The following ADHFE1 variants were observed in gnomAD, a reference collection of about 807,000 sequenced individuals.
The protein encoded by ADHFE1 is alcohol dehydrogenase iron containing 1.
A neutral mutation model predicts 54.8 loss-of-function variants in ADHFE1; 37 were observed. The observed-to-expected ratio is 0.68, with a 90% CI of 0.52 to 0.89. ADHFE1 has a LOEUF of 0.89. Ranked by LOEUF, ADHFE1 falls within the 40% of genes least tolerant of loss-of-function variation. The pLI is 0.00. For missense variants in ADHFE1, 601 were observed against 591.2 expected, an observed-to-expected ratio of 1.02 and a Z score of -0.17; for synonymous variants, 203 against 229.3, an observed-to-expected ratio of 0.89 and a Z score of 1.04.
Position 66,457,101 on chromosome 8 carries a change from C to T in ADHFE1, c.1097C>T (p.Pro366Leu), listed in dbSNP as rs778046150. ...GGCCTTTCTGTGGTGCTCACGTCCCCAGCGGTGTTCACTTTCACGGCCCAG... is the reference window on the plus strand; with the variant it reads ...GGCCTTTCTGTGGTGCTCACGTCCCTAGCGGTGTTCACTTTCACGGCCCAG... Reference protein sequence around the residue: ...PHGLSVVLTSPAVFTFTAQMF... With the variant: ...PHGLSVVLTSLAVFTFTAQMF... Residue 366 changes from proline (P) to leucine (L), a missense_variant, in exon 12 of 14, where the codon CCA (proline) becomes CTA (leucine). Transcript: ENST00000396623. 2.2e-5 allele frequency: 35 copies of T among 1,613,974 alleles called. No individual in the cohort carries two copies. The highest frequency in any genetic ancestry group is 1.7e-4 in the Middle Eastern group (1 of 6,060).
intron 1 of ADHFE1, 160 bp downstream of exon 1, chr8:66,432,735 G>T (rs1393594373): frequency 3.1e-5 from 38 of 1,232,526 alleles, no homozygotes; most frequent in Non-Finnish European, 3.6e-5. Flanking sequence ...AGGCGGAACA[G>T]CGAGGTCACA....
chr8:66,451,549 C>T (rs1413005892), intron 8 of ADHFE1, among the ~76,000 whole-genome samples: 1 of 152,032 alleles, frequency 6.6e-6, no homozygotes. Context: ...TAGCTATGAC[C>T]CACTTTTGGT....
intron 1 of ADHFE1, among the ~76,000 whole-genome samples, chr8:66,438,665 GGA>G (rs1392469517): frequency 6.6e-6 from 1 of 152,058 alleles, no homozygotes; most frequent in Admixed American, 6.5e-5. Flanking sequence ...GGAGAGAGAG[GGA>G]GAGTGAGCCC....
chr8:66,463,753 C>T (rs911394756), intron 13 of ADHFE1, among the ~76,000 whole-genome samples: 16 of 152,144 alleles, frequency 1.1e-4, no homozygotes, highest in Non-Finnish European at 1.3e-4. Context: ...CTCCAAAGAA[C>T]GTCACCAGAA....
intron 6 of ADHFE1, 83 bp downstream of exon 6, chr8:66,445,497 A>G (rs1586453288): frequency 1.5e-6 from 2 of 1,338,236 alleles, no homozygotes; most frequent in Non-Finnish European, 2.0e-6. Context: ...TCCTTTTAAC[A>G]TACACATTTC....
At chr8:66,449,102 C>G (rs1444645645) in intron 8 of ADHFE1, 132 bp downstream of exon 8, 9 of 771,714 alleles carry the variant, frequency 1.2e-5, no homozygotes, top group African/African-American at 1.8e-5. Context: ...TGTCATTACC[C>G]CCTGTCCTAA....
At chr8:66,440,676 A>G (rs1805702309) in intron 2 of ADHFE1, among the ~76,000 whole-genome samples, 1 of 152,224 alleles carries the variant, frequency 6.6e-6, no homozygotes, top group Non-Finnish European at 1.5e-5. Flanking sequence ...ATACTTAAAA[A>G]TAATAACAAA....
chr8:66,432,947 G>C, intron 1 of ADHFE1: 1 of 1,010,224 alleles, frequency 9.9e-7, no homozygotes, highest in Non-Finnish European at 1.2e-6. Flanking sequence ...AACTATTCTA[G>C]GTTCTGGGGA....
At chr8:66,460,176 C>T (rs1049213531) in intron 12 of ADHFE1, 132 bp from the exon 13 acceptor site, 1 of 1,188,306 alleles carries the variant, frequency 8.4e-7, no homozygotes, top group South Asian at 1.5e-5. Context: ...TGGGGAGGCA[C>T]ACGATGGCCC....
chr8:66,446,455 C>G (rs1012458897), intron 6 of ADHFE1, among the ~76,000 whole-genome samples: 1 of 152,206 alleles, frequency 6.6e-6, no homozygotes, highest in Non-Finnish European at 1.5e-5. Context: ...AGCTCTGGCC[C>G]CCAAGGAGCC....
chr8:66,458,662 G>C (rs1806724176), intron 12 of ADHFE1, among the ~76,000 whole-genome samples: 1 of 152,068 alleles, frequency 6.6e-6, no homozygotes, highest in South Asian at 2.1e-4. Flanking sequence ...CAAATTCCAG[G>C]CTGGAAGAAC....
chr8:66,440,173 C>T lies in ADHFE1; in HGVS notation c.71C>T (p.Pro24Leu). The stretch of plus-strand genomic sequence containing the variant: ...TTTATTTTCCCTAGGTGCCAGTGCC[C>T]AACTCATTCTCATACTTACTCCCAA... ...RQLQRAACQC[P>L]THSHTYSQAP... The change falls in exon 2 of 14, where the codon CCA becomes CTA. Residue 24 changes from proline to leucine, a missense_variant. By Grantham distance (98) the Pro-to-Leu change is moderately conservative. Transcript: ENST00000396623. 1 of 1,612,322 alleles carries T rather than the reference C, an allele frequency of 6.2e-7. No homozygotes were observed. The highest frequency in any genetic ancestry group is 8.5e-7 in the Non-Finnish European group (1 of 1,179,628).
chr8:66,442,885 G>C, intron 3 of ADHFE1, 41 bp downstream of exon 3: 1 of 1,446,424 alleles, frequency 6.9e-7, no homozygotes, highest in East Asian at 2.4e-5. Flanking sequence ...TGAATGACTA[G>C]AAAAAAATAA....
intron 9 of ADHFE1, chr8:66,453,823 A>G: frequency 6.8e-7 from 1 of 1,475,076 alleles, no homozygotes. Flanking sequence ...CTTTTACATC[A>G]CATGAGCAGC....
intron 2 of ADHFE1, 90 bp from the exon 3 acceptor site, chr8:66,442,708 A>G (rs1453361783): frequency 3.5e-6 from 4 of 1,146,878 alleles, no homozygotes; most frequent in Non-Finnish European, 5.1e-6. Flanking sequence ...TTCAAAGGAA[A>G]TACTTATGTT....
intron 7 of ADHFE1, 60 bp from the exon 8 acceptor site, chr8:66,448,804 AT>A: frequency 1.4e-6 from 2 of 1,430,786 alleles, no homozygotes; most frequent in African/African-American, 1.4e-5. Context: ...TCCTGAAGTC[AT>A]TTTTCTTCTT....
chr8:66,435,888 T>A (rs1805436534), intron 1 of ADHFE1, among the ~76,000 whole-genome samples: 1 of 150,286 alleles, frequency 6.7e-6, no homozygotes, highest in Non-Finnish European at 1.5e-5. Context: ...GGATTATAGG[T>A]ATGCGCCACA....
chr8:66,442,420 C>T (rs940169586), intron 2 of ADHFE1, among the ~76,000 whole-genome samples: 26 of 151,292 alleles, frequency 1.7e-4, no homozygotes, highest in African/African-American at 6.1e-4. Flanking sequence ...ACACCATTCT[C>T]CTGCCTCAGC....
intron 2 of ADHFE1, 32 bp downstream of exon 2, chr8:66,440,231 A>G (rs371843880): frequency 2.2e-5 from 36 of 1,603,678 alleles, no homozygotes; most frequent in Non-Finnish European, 3.0e-5. Context: ...ACTAGCCACA[A>G]TTTTGGTTTC....
Sources: allele counts gnomAD v4.1 joint callset (sites outside exome capture counted in the v4.1 genomes callset), GRCh38; gene constraint gnomAD v4.1.1; transcripts MANE v1.5; gene names NCBI Gene and HGNC (gene_info 2026-07-23, HGNC 2026-07-21).